The following DCUN1D3 variants were observed in gnomAD, a reference collection of about 807,000 sequenced individuals.
DCUN1D3 encodes the protein DCN1-like protein 3.
Under a neutral mutation model 24.8 loss-of-function variants are expected in DCUN1D3, and 6 were observed. The observed-to-expected ratio is 0.24, with a 90% confidence interval of 0.13 to 0.48. The LOEUF is 0.48. Among genes scored for constraint, DCUN1D3 ranks in the 20% least tolerant of loss-of-function variants. The probability of loss-of-function intolerance (pLI) is 0.99; values close to 1 mark genes in which losing one functional copy is unlikely to be tolerated. For missense variants in DCUN1D3, 258 were observed against 379.4 expected (o/e 0.68, Z 2.66); for synonymous variants, 120 against 144.9 (o/e 0.83, Z 1.24).
intron 1 of DCUN1D3, among the ~76,000 whole-genome samples, chr16:20,876,572 T>C (rs377288964): frequency 1.6e-4 from 24 of 152,170 alleles, no homozygotes; most frequent in Middle Eastern, 3.4e-3. Context: ...AAAATAGAAC[T>C]ACTGTATGAT....
intron 1 of DCUN1D3, among the ~76,000 whole-genome samples, chr16:20,866,205 C>T (rs1352686250): frequency 1.3e-5 from 2 of 152,184 alleles, no homozygotes; most frequent in East Asian, 3.8e-4. Flanking sequence ...AAAACAAGGA[C>T]TGTACCATGT....
chr16:20,887,341 T>C (rs1001189519), intron 1 of DCUN1D3, among the ~76,000 whole-genome samples: 7 of 152,062 alleles, frequency 4.6e-5, no homozygotes, highest in Admixed American at 3.9e-4. Flanking sequence ...AACTAGTAAA[T>C]GAAAAGTATT....
chr16:20,875,853 G>A (rs1357130446), intron 1 of DCUN1D3, among the ~76,000 whole-genome samples: 1 of 151,794 alleles, frequency 6.6e-6, no homozygotes, highest in East Asian at 1.9e-4. Flanking sequence ...TCCACAGAAT[G>A]GGAAAAAAAA....
intron 1 of DCUN1D3, among the ~76,000 whole-genome samples, chr16:20,875,756 A>G (rs2152517402): frequency 6.6e-6 from 1 of 152,288 alleles, no homozygotes; most frequent in East Asian, 1.9e-4. Context: ...AGCACAGGCA[A>G]CCAAAGCAAA....
At position 20,885,584 on chromosome 16, in the gene DCUN1D3, G is replaced by A. The variant is rs533249690; in HGVS notation, c.-106+14620C>T. Among the ~76,000 whole-genome samples, 20 of 151,988 alleles carry A rather than the reference G, an allele frequency of 1.3e-4. No homozygotes were observed. The East Asian group carries it at 2.9e-3, about 22-fold the overall frequency. On this transcript the variant is annotated intron_variant, in intron 1 of 2. Coordinates refer to ENST00000324344, the MANE Select transcript of DCUN1D3 (RefSeq NM_173475.4). ...AAAACATAAACTACATCTGAAAGCA[G>A]CTTTTTCGGCTTCTATTGCTTAACA...
intron 1 of DCUN1D3, among the ~76,000 whole-genome samples, chr16:20,883,370 G>A (rs1239783628): frequency 2.6e-5 from 4 of 152,108 alleles, no homozygotes; most frequent in East Asian, 1.9e-4. Flanking sequence ...ACATTTAGCC[G>A]GGCATGGTGG....
At chr16:20,898,059 C>G (rs957132569) in intron 1 of DCUN1D3, among the ~76,000 whole-genome samples, 2 of 152,176 alleles carry the variant, frequency 1.3e-5, no homozygotes, top group African/African-American at 2.4e-5. Flanking sequence ...TATTACTCAC[C>G]CAACCCATCC....
intron 1 of DCUN1D3, among the ~76,000 whole-genome samples, chr16:20,864,535 G>T (rs931861287): frequency 6.6e-6 from 1 of 151,482 alleles, no homozygotes; most frequent in Non-Finnish European, 1.5e-5. Context: ...ACTTATACAC[G>T]GCTGGTGGGA....
intron 1 of DCUN1D3, among the ~76,000 whole-genome samples, chr16:20,892,861 C>A (rs1482117024): frequency 6.6e-6 from 1 of 152,204 alleles, no homozygotes; most frequent in Non-Finnish European, 1.5e-5. Flanking sequence ...AGCTTTCTAT[C>A]AAGTATCCAC....
intron 1 of DCUN1D3, among the ~76,000 whole-genome samples, chr16:20,875,220 A>G (rs1391603158): frequency 1.8e-4 from 23 of 126,504 alleles, no homozygotes; most frequent in African/African-American, 7.1e-4. Context: ...GCACACACAC[A>G]CACACACACA....
At chr16:20,864,535 G>A (rs931861287) in intron 1 of DCUN1D3, among the ~76,000 whole-genome samples, 6 of 151,482 alleles carry the variant, frequency 4.0e-5, no homozygotes, top group Non-Finnish European at 5.9e-5. Context: ...ACTTATACAC[G>A]GCTGGTGGGA....
intron 1 of DCUN1D3, among the ~76,000 whole-genome samples, chr16:20,892,332 T>C (rs2081895983): frequency 6.6e-6 from 1 of 152,144 alleles, no homozygotes; most frequent in South Asian, 2.1e-4. Context: ...ATGTCACAAC[T>C]GGGGAAAAAC....
chr16:20,889,618 C>A (rs2081882653), intron 1 of DCUN1D3, among the ~76,000 whole-genome samples: 1 of 152,112 alleles, frequency 6.6e-6, no homozygotes, highest in African/African-American at 2.4e-5. Flanking sequence ...ACTTTAGGTA[C>A]CCTTATTCCG....
intron 1 of DCUN1D3, among the ~76,000 whole-genome samples, chr16:20,872,951 A>G (rs1412126105): frequency 6.6e-6 from 1 of 152,152 alleles, no homozygotes; most frequent in African/African-American, 2.4e-5. Flanking sequence ...CCCCGTCTCT[A>G]CTAAAAATAC....
intron 1 of DCUN1D3, among the ~76,000 whole-genome samples, chr16:20,867,022 G>C (rs2081765479): frequency 1.3e-5 from 2 of 152,200 alleles, no homozygotes; most frequent in African/African-American, 2.4e-5. Context: ...ATGGCTAACA[G>C]CTAATAATAG....
At chr16:20,873,624 A>G (rs2081800342) in intron 1 of DCUN1D3, among the ~76,000 whole-genome samples, 1 of 152,228 alleles carries the variant, frequency 6.6e-6, no homozygotes, top group South Asian at 2.1e-4. Flanking sequence ...AATTTTCACC[A>G]GCAGATCCTT....
intron 1 of DCUN1D3, among the ~76,000 whole-genome samples, chr16:20,887,415 T>C (rs2081872600): frequency 6.6e-6 from 1 of 152,236 alleles, no homozygotes; most frequent in African/African-American, 2.4e-5. Flanking sequence ...TGAGTATTCA[T>C]TTCAGCAACA....
At chr16:20,879,408 A>G in intron 1 of DCUN1D3, among the ~76,000 whole-genome samples, 1 of 152,266 alleles carries the variant, frequency 6.6e-6, no homozygotes, top group East Asian at 1.9e-4. Context: ...ACAATCTACA[A>G]GACAAACACT....
Position 20,862,380 on chromosome 16 carries a change from G to A in DCUN1D3, c.159C>T (p.Val53=). The change falls in exon 2 of 3, where the codon GTC becomes GTT. Residue 53 remains valine (V), a synonymous_variant. Transcript: ENST00000324344. ...PCGKPGGDIL[V]NGTKKAEAAT... ...CAGCCTCGGCCTTCTTGGTCCCGTT[G>A]ACGAGGATATCTCCACCTGGCTTGC... is the stretch of plus-strand genomic sequence containing the variant. The A allele has an allele frequency of 1.2e-6, 2 of 1,614,132 alleles. No homozygotes were observed. The highest frequency in any genetic ancestry group is 1.7e-6 in the Non-Finnish European group (2 of 1,180,028).
Sources: gnomAD v4.1 joint callset for allele counts (sites outside exome capture counted in the v4.1 genomes callset) on GRCh38, gnomAD v4.1.1 for gene constraint, MANE v1.5 for transcripts, NCBI Gene and HGNC (gene_info 2026-07-23, HGNC 2026-07-21) for gene names.